TNRC6A: variants seen among roughly 807,000 people sequenced by gnomAD.
The protein encoded by TNRC6A is trinucleotide repeat containing adaptor 6A, also known as trinucleotide repeat-containing gene 6A protein.
In TNRC6A, 44 loss-of-function variants were observed where a neutral mutation model predicts 221.2. That is an observed-to-expected ratio of 0.20 (90% confidence interval 0.16 to 0.26). The LOEUF (loss-of-function observed/expected upper bound fraction) is 0.26. Among genes scored for constraint, TNRC6A ranks in the 10% least tolerant of loss-of-function variants. The probability of loss-of-function intolerance (pLI) is 1.00; values close to 1 mark genes in which losing one functional copy is unlikely to be tolerated. For missense variants in TNRC6A, 2,199 were observed against 2,404.4 expected, an observed-to-expected ratio of 0.91 and a Z score of 1.79; for synonymous variants, 847 against 838.5, an observed-to-expected ratio of 1.01 and a Z score of -0.18.
In TNRC6A at chr16:24,655,661, C is replaced by T. The variant is rs543131861; in HGVS notation, n.402+14652C>T. Among the ~76,000 whole-genome samples the T allele has an allele frequency of 4.2e-4, 64 of 152,040 alleles. 1 individual carries two copies. Among genetic ancestry groups the T allele is most frequent in the African/African-American group, 1.5e-3 (63 of 41,430 alleles). The stretch of plus-strand genomic sequence containing the variant: ...CCAAGATCGTGCCACTGCACTCCAG[C>T]CTGGGCGACAAGAGTGAAATTCTGT... On this transcript the variant is annotated intron_variant and non_coding_transcript_variant, in intron 2 of 2. Coordinates refer to the TNRC6A transcript ENST00000566108.
intron 2 of TNRC6A, among the ~76,000 whole-genome samples, chr16:24,670,107 G>A (rs2055264200): frequency 1.3e-5 from 2 of 151,360 alleles, no homozygotes; most frequent in Non-Finnish European, 2.9e-5. Context: ...ATGCCACCAT[G>A]CCCAGCTAAT....
At chr16:24,794,152 G>C (rs1397840779) in intron 7 of TNRC6A, among the ~76,000 whole-genome samples, 1 of 152,148 alleles carries the variant, frequency 6.6e-6, no homozygotes, top group Non-Finnish European at 1.5e-5. Flanking sequence ...TTCTGCTTAA[G>C]GCTTTGAATA....
chr16:24,804,386 A>G (rs2058388256), intron 12 of TNRC6A, 67 bp downstream of exon 12: 1 of 1,522,586 alleles, frequency 6.6e-7, no homozygotes, highest in African/African-American at 1.4e-5. Context: ...TTTTCACACT[A>G]ATATTTTAAA....
intron 3 of TNRC6A, among the ~76,000 whole-genome samples, chr16:24,757,491 C>T (rs2057277280): frequency 6.6e-6 from 1 of 152,146 alleles, no homozygotes; most frequent in Admixed American, 6.5e-5. Context: ...CTTTCCTGTT[C>T]TTGTATCTGT....
intron 4 of TNRC6A, among the ~76,000 whole-genome samples, chr16:24,773,442 G>A (rs1315617921): frequency 1.3e-5 from 2 of 152,094 alleles, no homozygotes; most frequent in African/African-American, 4.8e-5. Flanking sequence ...TAGTGACATT[G>A]TATTGTAATC....
chr16:24,735,350 G>A (rs2056740894), intron 2 of TNRC6A, among the ~76,000 whole-genome samples: 1 of 152,124 alleles, frequency 6.6e-6, no homozygotes, highest in Non-Finnish European at 1.5e-5. Context: ...TAGCTAAGGT[G>A]GATCCCACTC....
rs922079005 is a variant in TNRC6A, at chr16:24,718,349, C to T, written n.403-32377C>T. On this transcript the variant is annotated intron_variant and non_coding_transcript_variant, in intron 2 of 2. Transcript: ENST00000566108. ...TAGCTATATTTCTATTGGTACTTGA[C>T]TCACATCTGTATTCTTATGAGATCC... 5.9e-5 allele frequency among the ~76,000 whole-genome samples: 9 copies of T among 152,190 alleles called. 1 individual carries two copies. Among genetic ancestry groups the T allele is most frequent in the Non-Finnish European group, 1.2e-4 (8 of 68,038 alleles).
intron 4 of TNRC6A, among the ~76,000 whole-genome samples, chr16:24,772,658 C>T (rs1214003751): frequency 6.6e-6 from 1 of 152,094 alleles, no homozygotes; most frequent in Admixed American, 6.5e-5. Flanking sequence ...TGGCACACAC[C>T]TGTAATCCCA....
intron 22 of TNRC6A, among the ~76,000 whole-genome samples, chr16:24,821,456 A>G (rs184973486): frequency 3.2e-4 from 48 of 152,282 alleles, no homozygotes; most frequent in African/African-American, 1.1e-3. Context: ...CAGGGAGTGG[A>G]GGAGGATTCC....
At position 24,614,453 on chromosome 16, in the gene TNRC6A, G is replaced by A. The variant is rs562739697; in HGVS notation, n.276+3969G>A. ...CCTCTAATATTGGGAGAAACTGAAA[G>A]CCAAGAGGAAATTTGAGGCCAATTT... On this transcript the variant is annotated intron_variant and non_coding_transcript_variant, in intron 1 of 2. Coordinates refer to the TNRC6A transcript ENST00000566108. 2.0e-5 allele frequency among the ~76,000 whole-genome samples: 3 copies of A among 152,316 alleles called. 1 individual carries two copies. Among genetic ancestry groups the A allele is most frequent in the South Asian group, 4.1e-4 (2 of 4,832 alleles).
At chr16:24,811,562 C>T (rs1338060280) in intron 18 of TNRC6A, among the ~76,000 whole-genome samples, 1 of 152,008 alleles carries the variant, frequency 6.6e-6, no homozygotes, top group East Asian at 1.9e-4. Flanking sequence ...AGAGATGGAG[C>T]GGGGCTAGAA....
intron 5 of TNRC6A, among the ~76,000 whole-genome samples, chr16:24,788,501 G>C (rs139087180): frequency 2.0e-5 from 3 of 152,280 alleles, no homozygotes; most frequent in Non-Finnish European, 4.4e-5. Flanking sequence ...CTAGAAAACA[G>C]AGGGTGGAAA....
chr16:24,729,841 C>G lies in TNRC6A; in HGVS notation c.-1C>G. 7.3e-7 allele frequency: 1 copy of G among 1,376,704 alleles called. No individual in the cohort carries two copies. Among genetic ancestry groups the G allele is most frequent in the Non-Finnish European group, 9.5e-7 (1 of 1,055,282 alleles). The allele number at this position is 1,376,704 out of a possible 1,614,324, so 85.3% of individuals were successfully genotyped here. A position where few individuals can be genotyped will look rare whatever the true frequency, so the allele number is the denominator to read the frequency against. ...CCCACTTGCTCGTGCACTTTACACA[C>G]ATGAGGTGAGCGGAACAAGGGCCTC... On this transcript the variant is annotated 5_prime_UTR_variant, in exon 1 of 25. Coordinates refer to ENST00000395799, the MANE Select transcript of TNRC6A (RefSeq NM_014494.4).
At chr16:24,772,583 G>A (rs1237756909) in intron 4 of TNRC6A, among the ~76,000 whole-genome samples, 4 of 151,846 alleles carry the variant, frequency 2.6e-5, no homozygotes, top group African/African-American at 4.8e-5. Context: ...TCAGGAGTTC[G>A]AGACCAGCCT....
chr16:24,712,181 T>A (rs1291749655), intron 2 of TNRC6A, among the ~76,000 whole-genome samples: 3 of 152,098 alleles, frequency 2.0e-5, no homozygotes, highest in African/African-American at 7.2e-5. Context: ...AGAGACTCGG[T>A]GTTCCTGTGT....
chr16:24,634,126 TG>T (rs1227297964), intron 1 of TNRC6A, among the ~76,000 whole-genome samples: 2 of 152,118 alleles, frequency 1.3e-5, no homozygotes, highest in Non-Finnish European at 2.9e-5. Flanking sequence ...GCCTAAATAG[TG>T]TGATCATTTG....
chr16:24,682,873 TAGCC>T (rs1342311569), intron 2 of TNRC6A, among the ~76,000 whole-genome samples: 2 of 152,170 alleles, frequency 1.3e-5, no homozygotes, highest in Non-Finnish European at 2.9e-5. Flanking sequence ...TGTATACACT[TAGCC>T]TCCCAAGACA....
At chr16:24,812,364 G>C (rs2058564612) in intron 18 of TNRC6A, among the ~76,000 whole-genome samples, 1 of 152,028 alleles carries the variant, frequency 6.6e-6, no homozygotes. Context: ...GAATTTTTCT[G>C]ACCTGAAGAG....
chr16:24,611,809 G>C (rs1174210693), intron 1 of TNRC6A, among the ~76,000 whole-genome samples: 1 of 151,964 alleles, frequency 6.6e-6, no homozygotes, highest in East Asian at 1.9e-4. Context: ...AATTATGGCA[G>C]TGGCTGGACA....
Sources: gnomAD v4.1 joint callset for allele counts (sites outside exome capture counted in the v4.1 genomes callset) on GRCh38, gnomAD v4.1.1 for gene constraint, MANE v1.5 for transcripts, NCBI Gene and HGNC (gene_info 2026-07-23, HGNC 2026-07-21) for gene names.